Variants in GLIS2 observed in about 807,000 individuals in gnomAD.
The protein encoded by GLIS2 is GLIS family zinc finger 2, also known as zinc finger protein GLIS2.
A neutral mutation model predicts 35.6 loss-of-function variants in GLIS2; 14 were observed. The observed-to-expected ratio is 0.39, with a 90% confidence interval of 0.26 to 0.61. GLIS2 has a LOEUF of 0.61. Among genes scored for constraint, GLIS2 ranks in the 20% least tolerant of loss-of-function variants. GLIS2 has a pLI of 0.48. For synonymous variants in GLIS2, 368 were observed against 325.1 expected (o/e 1.13, Z -1.42); for missense variants, 675 against 713.4 (o/e 0.95, Z 0.61).
At chr16:4,331,497 C>T (rs1023108924) in intron 1 of GLIS2, 1 of 152,530 alleles carries the variant, frequency 6.6e-6, no homozygotes, top group Non-Finnish European at 1.5e-5. Flanking sequence ...GGCTGTGAGA[C>T]CCCTGATTTC....
rs1050390272 is a variant in GLIS2, at chr16:4,337,582, G to A, written c.*58G>A. The stretch of plus-strand genomic sequence containing the variant: ...GGCAGCTCCCGGCACTGCCCCCGAC[G>A]AACGGAAACTCTTCTGTGAAATAGC... On this transcript the variant is annotated 3_prime_UTR_variant, in exon 7 of 7. Coordinates refer to ENST00000433375, the MANE Select transcript of GLIS2 (RefSeq NM_032575.3). 2.3e-5 allele frequency: 36 copies of A among 1,534,174 alleles called. No individual in the cohort carries two copies. Among genetic ancestry groups the A allele is most frequent in the Non-Finnish European group, 2.8e-5 (32 of 1,145,208 alleles).
intron 1 of GLIS2, among the ~76,000 whole-genome samples, chr16:4,321,857 C>T (rs777286908): frequency 2.6e-4 from 40 of 152,004 alleles, no homozygotes; most frequent in African/African-American, 3.6e-4. Flanking sequence ...GTGTACACCA[C>T]GCTGTGCACA....
chr16:4,334,683 G>T, intron 3 of GLIS2, 118 bp from the exon 4 acceptor site: 1 of 1,198,702 alleles, frequency 8.3e-7, no homozygotes, highest in South Asian at 1.2e-5. Context: ...GCACAGGTAG[G>T]GGCTGGGGAG....
rs572594716 is a variant in GLIS2 at position 4,335,261 on chromosome 16, C to T, written c.657-14C>T. 7.4e-6 allele frequency: 12 copies of T among 1,613,722 alleles called. No individual in the cohort carries two copies. The Middle Eastern group carries it at 4.9e-4, about 67-fold the overall frequency. On this transcript the variant is annotated splice_polypyrimidine_tract_variant and intron_variant, in intron 5 of 6. Coordinates refer to ENST00000433375, the MANE Select transcript of GLIS2 (RefSeq NM_032575.3). This position sits in a 1 kb window ranked among gnomAD's most constrained non-coding sequence, Gnocchi z 4.6. ...CAGTGAGCTGAGCCGTGCCCCCCGCCCTCCCTGGAGCAGGTACAAGATGCT... is the reference window on the plus strand; with the variant it reads ...CAGTGAGCTGAGCCGTGCCCCCCGCTCTCCCTGGAGCAGGTACAAGATGCT...
chr16:4,322,627 C>A (rs918388238), intron 1 of GLIS2, among the ~76,000 whole-genome samples: 3 of 152,092 alleles, frequency 2.0e-5, no homozygotes, highest in East Asian at 1.9e-4. Flanking sequence ...AGCAGCCCCC[C>A]CCCTACACTG....
chr16:4,329,344 C>T (rs950075864), intron 1 of GLIS2, among the ~76,000 whole-genome samples: 2 of 152,204 alleles, frequency 1.3e-5, no homozygotes, highest in African/African-American at 4.8e-5. Context: ...TCTGGGAGCC[C>T]CTGGCCCATG....
At chr16:4,315,670 G>A (rs1260893485), upstream of GLIS2, among the ~76,000 whole-genome samples, 1 of 151,326 alleles carries the variant, frequency 6.6e-6, no homozygotes, top group Non-Finnish European at 1.5e-5. Flanking sequence ...GGGCCGCGGG[G>A]GGGGGGTGGC....
At chr16:4,334,682 G>T in intron 3 of GLIS2, 119 bp from the exon 4 acceptor site, 1 of 1,188,338 alleles carries the variant, frequency 8.4e-7, no homozygotes, top group Non-Finnish European at 1.2e-6. Context: ...TGCACAGGTA[G>T]GGGCTGGGGA....
intron 6 of GLIS2, 162 bp from the exon 7 acceptor site, chr16:4,336,563 G>A: frequency 1.3e-6 from 1 of 748,792 alleles, no homozygotes; most frequent in African/African-American, 1.7e-5. Context: ...CCCTGCCTGG[G>A]GGCAGATCTC....
Position 4,337,215 on chromosome 16 carries a change from G to C in GLIS2, c.1266G>C (p.Gly422=). ...ACCCGCTGCTGCCCTCGCCCTTTGG[G>C]GCTGGCGGACTGGGCTTGCCTGTGG... ...AKNPLLPSPF[G]AGGLGLPVVS... The change falls in exon 7 of 7, where the codon GGG becomes GGC. Residue 422 remains glycine (G), a synonymous_variant. Coordinates refer to ENST00000433375, the MANE Select transcript of GLIS2 (RefSeq NM_032575.3). 1 of 1,547,612 alleles carries C rather than the reference G, an allele frequency of 6.5e-7. No individual in the cohort carries two copies.
At position 4,334,789 on chromosome 16, in the gene GLIS2, C is replaced by T. The variant is rs2053532095; in HGVS notation, c.346-12C>T. ...CAGCAGGACCTTGACTAGCCCTCCC[C>T]TCGCACCCCAGGACTTCCAGCCACT... On this transcript the variant is annotated splice_polypyrimidine_tract_variant and intron_variant, in intron 3 of 6. Transcript: ENST00000433375. 1.9e-6 allele frequency: 3 copies of T among 1,613,176 alleles called. No individual in the cohort carries two copies. The highest frequency in any genetic ancestry group is 1.7e-6 in the Non-Finnish European group (2 of 1,179,996).
rs753943924 is a variant in GLIS2, at chr16:4,334,876, G to T, written c.421G>T (p.Ala141Ser). ...CTTCCTGCCCCTCGGCTCCGGGGGG[G>T]CCCTGCACCTGCCTGCCTCCTCCTT... ...QFFLPLGSGG[A>S]LHLPASSFLT... Residue 141 changes from alanine (A) to serine (S), a missense_variant, in exon 4 of 7, where the codon GCC (alanine) becomes TCC (serine). By Grantham distance (99) the Ala-to-Ser change is moderately conservative. This residue lies in a region of GLIS2 where 225 missense variants were observed against 238.7 expected (regional missense o/e 0.94). Transcript: ENST00000433375. 6.2e-7 allele frequency: 1 copy of T among 1,613,134 alleles called. No individual in the cohort carries two copies.
In GLIS2 at chr16:4,335,051, C is replaced by T. The variant is rs2053535570; in HGVS notation, c.523-9C>T. The T allele has an allele frequency of 1.2e-6, 2 of 1,613,454 alleles. No homozygotes were observed. Among genetic ancestry groups the T allele is most frequent in the Middle Eastern group, 1.6e-4 (1 of 6,062 alleles). On this transcript the variant is annotated splice_polypyrimidine_tract_variant and intron_variant, in intron 4 of 6. Transcript: ENST00000433375. This position sits in a 1 kb window ranked among gnomAD's most constrained non-coding sequence, Gnocchi z 4.6. ...CGCATGGGCTCAGAACACTTCCCATCCTCCGCAGTGTAACCAGCTCTTTGA... is the reference window on the plus strand; with the variant it reads ...CGCATGGGCTCAGAACACTTCCCATTCTCCGCAGTGTAACCAGCTCTTTGA...
rs548740343 is a variant in GLIS2, at chr16:4,321,303, G to A, written c.-67+5049G>A. ...CCCTTGCCTGGGACAGGGAGAAAGA[G>A]GCATCTATGTCAGGAGACCAGCCCC... On this transcript the variant is annotated intron_variant, in intron 1 of 6. Transcript: ENST00000433375. Among the ~76,000 whole-genome samples the A allele has an allele frequency of 2.6e-5, 4 of 152,294 alleles. No homozygotes were observed. The East Asian group carries it at 7.7e-4, about 29-fold the overall frequency.
At chr16:4,321,118 G>C (rs2053374624) in intron 1 of GLIS2, among the ~76,000 whole-genome samples, 1 of 152,218 alleles carries the variant, frequency 6.6e-6, no homozygotes, top group African/African-American at 2.4e-5. Context: ...GCGGTGCCCT[G>C]CTGGGCCTGC....
intron 1 of GLIS2, among the ~76,000 whole-genome samples, chr16:4,322,810 T>C (rs556142921): frequency 6.6e-6 from 1 of 152,336 alleles, no homozygotes; most frequent in Admixed American, 6.5e-5. Flanking sequence ...CCGTTCCCAG[T>C]GGACCTGGTA....
intron 1 of GLIS2, among the ~76,000 whole-genome samples, chr16:4,323,350 G>T (rs1050329881): frequency 1.3e-5 from 2 of 152,202 alleles, no homozygotes; most frequent in Non-Finnish European, 2.9e-5. Flanking sequence ...CTTTCCTCTG[G>T]CTGGGGCCCA....
Position 4,327,909 on chromosome 16 carries a change from G to T in GLIS2, c.-66-4306G>T, listed in dbSNP as rs1215234944. 4.2e-5 allele frequency among the ~76,000 whole-genome samples: 6 copies of T among 141,318 alleles called. No individual in the cohort carries two copies. In the East Asian group the frequency reaches 1.2e-3, roughly 29 times the overall value. 92.7% of individuals were successfully genotyped at this position (141,318 alleles called of 152,430 possible). ...CCCCCCACCGACAACCCCAGCCCTCGCCCCAACCCCTGGGCCCTTGCGTGT... is the reference window on the plus strand; with the variant it reads ...CCCCCCACCGACAACCCCAGCCCTCTCCCCAACCCCTGGGCCCTTGCGTGT... On this transcript the variant is annotated intron_variant, in intron 1 of 6. Transcript: ENST00000433375.
Position 4,320,621 on chromosome 16 carries a change from C to A in GLIS2, c.-67+4367C>A, listed in dbSNP as rs2141120608. Among the ~76,000 whole-genome samples the A allele has an allele frequency of 6.6e-6, 1 of 152,252 alleles. No homozygotes were observed. The highest frequency in any genetic ancestry group is 2.1e-4 in the South Asian group (1 of 4,822). ...CGGGGGCCAACGTGTCTGGAAGAAG[C>A]CTCTCCCCTTCCCTGCATCGTCTGC... On this transcript the variant is annotated intron_variant, in intron 1 of 6. Coordinates refer to ENST00000433375, the MANE Select transcript of GLIS2 (RefSeq NM_032575.3). This position sits in a 1 kb window ranked among gnomAD's most constrained non-coding sequence, Gnocchi z 5.6.
Sources: allele counts gnomAD v4.1 joint callset (sites outside exome capture counted in the v4.1 genomes callset), GRCh38; gene constraint gnomAD v4.1.1; regional missense constraint gnomAD v4.1.1; non-coding constraint Gnocchi (gnomAD v3.1); transcripts MANE v1.5; gene names NCBI Gene and HGNC (gene_info 2026-07-23, HGNC 2026-07-21).